The following HMGCLL1 variants were observed in gnomAD, a reference collection of about 807,000 sequenced individuals.
The protein encoded by HMGCLL1 is 3-hydroxy-3-methylglutaryl-CoA lyase like 1.
Under a neutral mutation model 39.1 loss-of-function variants are expected in HMGCLL1, and 36 were observed. That is an observed-to-expected ratio of 0.92 (90% CI 0.71 to 1.22). The LOEUF is 1.22. Among genes scored for constraint, HMGCLL1 ranks in the 50% most tolerant of loss-of-function variants. The probability of loss-of-function intolerance (pLI) is 0.00; values close to 1 mark genes in which losing one functional copy is unlikely to be tolerated. For synonymous variants in HMGCLL1, 149 were observed against 144.0 expected (o/e 1.03, Z -0.25); for missense variants, 451 against 416.5 (o/e 1.08, Z -0.72).
the HMGCLL1 span, among the ~76,000 whole-genome samples, chr6:55,606,873 GA>G: frequency 2.0e-5 from 3 of 151,298 alleles, no homozygotes; most frequent in Non-Finnish European, 4.4e-5. Flanking sequence ...TAAACTCAAA[GA>G]AAAAAATAAG....
intron 1 of HMGCLL1, among the ~76,000 whole-genome samples, chr6:55,570,935 C>CAA (rs1045454183): frequency 2.0e-5 from 3 of 152,068 alleles, no homozygotes; most frequent in Non-Finnish European, 4.4e-5. Context: ...TGGCGGCAGG[C>CAA]GAGAGAGAAT....
At chr6:55,580,840 A>G (rs898728533), upstream of HMGCLL1, among the ~76,000 whole-genome samples, 1 of 152,190 alleles carries the variant, frequency 6.6e-6, no homozygotes, top group Non-Finnish European at 1.5e-5. Flanking sequence ...ACTATCATAT[A>G]GGTGTACATT....
At chr6:55,449,497 A>G (rs1284219899) in intron 7 of HMGCLL1, among the ~76,000 whole-genome samples, 1 of 152,186 alleles carries the variant, frequency 6.6e-6, no homozygotes, top group Non-Finnish European at 1.5e-5. Flanking sequence ...TGAGAAACAA[A>G]CATCTATGTG....
the HMGCLL1 span, among the ~76,000 whole-genome samples, chr6:55,625,171 T>G: frequency 6.6e-6 from 1 of 152,132 alleles, no homozygotes; most frequent in Non-Finnish European, 1.5e-5. Flanking sequence ...AGATAGCTCC[T>G]GGCCTGTTAA....
chr6:55,549,120 C>T (rs1770163353), intron 1 of HMGCLL1, among the ~76,000 whole-genome samples: 1 of 141,644 alleles, frequency 7.1e-6, no homozygotes, highest in Admixed American at 7.4e-5. Flanking sequence ...TGAAAAATAG[C>T]CAACATGACC....
chr6:55,677,640 T>A, the HMGCLL1 span, among the ~76,000 whole-genome samples: 1 of 152,206 alleles, frequency 6.6e-6, no homozygotes, highest in Non-Finnish European at 1.5e-5. Context: ...GAGAATATTA[T>A]AATTCCTACA....
Position 55,523,603 on chromosome 6 carries a change from C to T in HMGCLL1, c.298-7000G>A, listed in dbSNP as rs147085707. Among the ~76,000 whole-genome samples the T allele has an allele frequency of 2.0e-4, 30 of 151,996 alleles. No homozygotes were observed. The East Asian group carries it at 5.4e-3, about 28-fold the overall frequency. On this transcript the variant is annotated intron_variant, in intron 3 of 8. Transcript: ENST00000274901. ...AGAGCTCACAATTGCTGCACTCTTT[C>T]AGAATGTTGGTGTAAATATTCTCAT...
intron 1 of HMGCLL1, among the ~76,000 whole-genome samples, chr6:55,543,413 CAT>C (rs1225196738): frequency 1.7e-5 from 1 of 60,050 alleles, no homozygotes; most frequent in South Asian, 6.0e-4. Flanking sequence ...AATATAAAAT[CAT>C]ATATGATATA....
chr6:55,566,670 G>C (rs1581958057), intron 1 of HMGCLL1: 1 of 454,892 alleles, frequency 2.2e-6, no homozygotes, highest in Non-Finnish European at 4.4e-6. Context: ...TGTGCACTGT[G>C]TGAATTAACT....
At chr6:55,537,254 G>A (rs1355283414) in intron 3 of HMGCLL1, among the ~76,000 whole-genome samples, 2 of 152,144 alleles carry the variant, frequency 1.3e-5, no homozygotes, top group African/African-American at 4.8e-5. Flanking sequence ...TATATAGTAA[G>A]TGACTGATAC....
At chr6:55,555,427 C>A (rs1439030378) in intron 1 of HMGCLL1, among the ~76,000 whole-genome samples, 3 of 152,218 alleles carry the variant, frequency 2.0e-5, no homozygotes, top group Non-Finnish European at 4.4e-5. Context: ...TAGCACTCAT[C>A]ATCAGCATGT....
chr6:55,583,354 C>A (rs1269328707), upstream of HMGCLL1, among the ~76,000 whole-genome samples: 1 of 151,618 alleles, frequency 6.6e-6, no homozygotes, highest in Non-Finnish European at 1.5e-5. Context: ...TCTCCCCCCA[C>A]CCCACAACAG....
chr6:55,527,029 C>G (rs1238635614), intron 3 of HMGCLL1, among the ~76,000 whole-genome samples: 1 of 152,014 alleles, frequency 6.6e-6, no homozygotes, highest in Non-Finnish European at 1.5e-5. Flanking sequence ...GGCAGGGACC[C>G]AAGTCTATCT....
At chr6:55,522,251 A>G (rs763764193) in intron 3 of HMGCLL1, among the ~76,000 whole-genome samples, 1 of 152,062 alleles carries the variant, frequency 6.6e-6, no homozygotes, top group African/African-American at 2.4e-5. Context: ...GATACTGTTT[A>G]TTAAAATACT....
the HMGCLL1 span, among the ~76,000 whole-genome samples, chr6:55,658,866 C>T: frequency 6.6e-6 from 1 of 151,850 alleles, no homozygotes; most frequent in Admixed American, 6.6e-5. Context: ...AAGAAGCAAG[C>T]ATATTCTAGG....
At chr6:55,563,905 A>AG in intron 1 of HMGCLL1, 1 of 1,287,200 alleles carries the variant, frequency 7.8e-7, no homozygotes, top group South Asian at 1.2e-5. Flanking sequence ...AGCATCACAG[A>AG]CTGAAGCTCC....
intron 7 of HMGCLL1, among the ~76,000 whole-genome samples, chr6:55,453,734 A>G (rs958376852): frequency 1.3e-5 from 2 of 152,234 alleles, no homozygotes; most frequent in African/African-American, 4.8e-5. Flanking sequence ...ACATCCAATC[A>G]TTAGTGATGA....
intron 7 of HMGCLL1, among the ~76,000 whole-genome samples, chr6:55,472,462 G>C (rs1765089900): frequency 7.4e-6 from 1 of 135,554 alleles, no homozygotes; most frequent in African/African-American, 2.5e-5. Context: ...TTTTACCACT[G>C]ACCTGTTAAT....
At chr6:55,471,672 A>G (rs1005375196) in intron 7 of HMGCLL1, among the ~76,000 whole-genome samples, 2 of 151,402 alleles carry the variant, frequency 1.3e-5, no homozygotes, top group Non-Finnish European at 3.0e-5. Context: ...AACAATTTTT[A>G]TATTTTTTTC....
Sources: gnomAD v4.1 joint callset for allele counts (sites outside exome capture counted in the v4.1 genomes callset) on GRCh38, gnomAD v4.1.1 for gene constraint, MANE v1.5 for transcripts, NCBI Gene and HGNC (gene_info 2026-07-23, HGNC 2026-07-21) for gene names.